ZNF407: variants seen among roughly 807,000 people sequenced by gnomAD.
ZNF407 encodes zinc finger protein 407.
Under a neutral mutation model 131.2 loss-of-function variants are expected in ZNF407, and 17 were observed. The ratio of observed to expected loss-of-function variants is 0.13; its 90% CI spans 0.09 to 0.19. ZNF407 has a LOEUF of 0.19. Among genes scored for constraint, ZNF407 ranks in the 10% least tolerant of loss-of-function variants. The probability of loss-of-function intolerance (pLI) is 1.00; values close to 1 mark genes in which losing one functional copy is unlikely to be tolerated. For synonymous variants in ZNF407, 1,156 were observed against 1,062.0 expected (o/e 1.09, Z -1.72); for missense variants, 2,681 against 2,830.6 (o/e 0.95, Z 1.20).
intron 8 of ZNF407, among the ~76,000 whole-genome samples, chr18:75,050,056 G>A (rs1164354309): frequency 6.6e-6 from 1 of 152,180 alleles, no homozygotes; most frequent in East Asian, 1.9e-4. Context: ...TAATTTTGCT[G>A]TATGTATAAT....
intron 2 of ZNF407, 98 bp from the exon 3 acceptor site, chr18:74,640,910 T>G: frequency 1.2e-6 from 1 of 835,134 alleles, no homozygotes; most frequent in Non-Finnish European, 1.9e-6. Flanking sequence ...AAATTCTTAA[T>G]TAGGTTAAAG....
At chr18:74,622,884 C>T (rs1232483871) in intron 1 of ZNF407, among the ~76,000 whole-genome samples, 1 of 65,330 alleles carries the variant, frequency 1.5e-5, no homozygotes, top group African/African-American at 7.6e-5. Flanking sequence ...GTGTGTCAGC[C>T]TACAAGTGCG....
rs1969095307 is a variant in ZNF407 at position 74,761,499 on chromosome 18, CAT to C, written c.4803-19928_4803-19927del. On this transcript the variant is annotated intron_variant, in intron 3 of 8. Coordinates refer to ENST00000299687, the MANE Select transcript of ZNF407 (RefSeq NM_017757.3). ...TTGATATTACAAGATGTAAAAGTTACATGTTTTAGAGATATCTAAATAGTTGA... is the reference window on the plus strand; with the variant it reads ...TTGATATTACAAGATGTAAAAGTTACGTTTTAGAGATATCTAAATAGTTGA... Among the ~76,000 whole-genome samples, 6 of 152,106 alleles carry C rather than the reference CAT, an allele frequency of 3.9e-5. No individual in the cohort carries two copies. In the South Asian group the frequency reaches 1.0e-3, roughly 26 times the overall value.
chr18:74,652,688 A>G (rs887617514), intron 3 of ZNF407, among the ~76,000 whole-genome samples: 12 of 152,042 alleles, frequency 7.9e-5, no homozygotes, highest in Non-Finnish European at 1.3e-4. Context: ...TTCATATTAC[A>G]ACTTCCCGAG....
chr18:74,784,095 T>C (rs1004192157), intron 4 of ZNF407, among the ~76,000 whole-genome samples: 1 of 152,212 alleles, frequency 6.6e-6, no homozygotes, highest in Non-Finnish European at 1.5e-5. Context: ...CCTTCGTCAG[T>C]ATGCTGGACC....
intron 3 of ZNF407, among the ~76,000 whole-genome samples, chr18:74,698,665 T>C (rs1040441695): frequency 7.9e-4 from 120 of 152,282 alleles, no homozygotes; most frequent in African/African-American, 2.8e-3. Context: ...AAAGGCTCAT[T>C]GGGCCTTTAC....
At chr18:75,061,886 C>G (rs907825360) in intron 8 of ZNF407, 1 of 152,370 alleles carries the variant, frequency 6.6e-6, no homozygotes, top group African/African-American at 2.4e-5. Context: ...CTTCTACACA[C>G]GTTGTTTTCA....
chr18:74,996,072 C>T (rs990046346), intron 8 of ZNF407, among the ~76,000 whole-genome samples: 1 of 152,110 alleles, frequency 6.6e-6, no homozygotes, highest in African/African-American at 2.4e-5. Flanking sequence ...GGTTTTAATA[C>T]TAAACAAATA....
At chr18:74,679,060 G>A (rs780732091) in intron 3 of ZNF407, among the ~76,000 whole-genome samples, 2 of 151,880 alleles carry the variant, frequency 1.3e-5, no homozygotes, top group African/African-American at 2.4e-5. Context: ...AATAATCTGT[G>A]TGGGGACTCA....
At chr18:74,839,912 T>G (rs1970608918) in intron 4 of ZNF407, among the ~76,000 whole-genome samples, 1 of 152,182 alleles carries the variant, frequency 6.6e-6, no homozygotes, top group Admixed American at 6.5e-5. Flanking sequence ...CGTTAGACTC[T>G]ATAAAGCACG....
chr18:74,619,232 T>C (rs1051079989), intron 1 of ZNF407, among the ~76,000 whole-genome samples: 1 of 152,214 alleles, frequency 6.6e-6, no homozygotes, highest in Non-Finnish European at 1.5e-5. Context: ...AACTGAGGAA[T>C]CTTAGTCCCT....
In ZNF407 at chr18:74,632,767, A is replaced by G. The variant is rs749600754; in HGVS notation, c.1748A>G (p.Gln583Arg). Residue 583 changes from glutamine (Q) to arginine (R), a missense_variant, in exon 2 of 9, where the codon CAA becomes CGA. By Grantham distance (43) the Gln-to-Arg change is conservative. Transcript: ENST00000299687. ...CATTTGCACAGTAACCAGCATCAGC[A>G]AACTGCTTCTGTCCTGAGTTGTCAG... ...DEHLHSNQHQ[Q>R]TASVLSCQCC... is the part of the protein sequence containing the mutation. 1 of 1,614,042 alleles carries G rather than the reference A, an allele frequency of 6.2e-7. No individual in the cohort carries two copies. The highest frequency in any genetic ancestry group is 8.5e-7 in the Non-Finnish European group (1 of 1,179,896).
At chr18:74,609,659 G>C (rs1982969638) in intron 1 of ZNF407, among the ~76,000 whole-genome samples, 1 of 152,186 alleles carries the variant, frequency 6.6e-6, no homozygotes, top group Non-Finnish European at 1.5e-5. Flanking sequence ...CAGTGTAGTA[G>C]GTTTGCTTAC....
At chr18:74,977,180 A>G (rs1190746392) in intron 8 of ZNF407, among the ~76,000 whole-genome samples, 2 of 152,240 alleles carry the variant, frequency 1.3e-5, no homozygotes, top group African/African-American at 4.8e-5. Flanking sequence ...AGCTCTTTAT[A>G]TGACTGTTTA....
intron 4 of ZNF407, chr18:74,804,621 T>G (rs1314023972): frequency 1.0e-6 from 1 of 983,340 alleles, no homozygotes; most frequent in African/African-American, 1.7e-5. Flanking sequence ...AAATGCTGAT[T>G]ACTATAGCCA....
At chr18:74,655,663 T>A (rs1014263702) in intron 3 of ZNF407, among the ~76,000 whole-genome samples, 9 of 152,166 alleles carry the variant, frequency 5.9e-5, no homozygotes, top group Non-Finnish European at 1.2e-4. Context: ...GACTACTATG[T>A]AATTTGTCTA....
In ZNF407 at chr18:75,063,775, C is replaced by T. The variant is rs776535421; in HGVS notation, c.6054C>T (p.Asp2018=). ...LEEQGRPGAK[D]VLIQLPGQEV... ...AGCAAGGCAGGCCCGGCGCCAAAGA[C>T]GTGCTGATCCAGCTGCCCGGGCAGG... is the stretch of plus-strand genomic sequence containing the variant. Residue 2018 remains aspartate (D), a synonymous_variant, in exon 9 of 9, where the codon GAC becomes GAT. Transcript: ENST00000299687. The surrounding 1 kb of genome is among the most constrained non-coding windows in gnomAD (Gnocchi z 6.6). The T allele has an allele frequency of 9.3e-6, 15 of 1,610,470 alleles. No homozygotes were observed. Among genetic ancestry groups the T allele is most frequent in the South Asian group, 3.3e-5 (3 of 91,042 alleles).
chr18:74,846,745 G>T (rs1970708450), intron 4 of ZNF407, among the ~76,000 whole-genome samples: 1 of 151,756 alleles, frequency 6.6e-6, no homozygotes. Context: ...TGTAACCCCA[G>T]CACTTTGGGA....
chr18:74,911,318 C>T (rs1971667164), intron 7 of ZNF407, among the ~76,000 whole-genome samples: 1 of 152,108 alleles, frequency 6.6e-6, no homozygotes, highest in African/African-American at 2.4e-5. Context: ...AACATGTTGC[C>T]TACTTATTTT....
Sources: allele counts gnomAD v4.1 joint callset (sites outside exome capture counted in the v4.1 genomes callset), GRCh38; gene constraint gnomAD v4.1.1; non-coding constraint Gnocchi (gnomAD v3.1); transcripts MANE v1.5; gene names NCBI Gene and HGNC (gene_info 2026-07-23, HGNC 2026-07-21).